Variants in SMURF2 observed in about 807,000 individuals in gnomAD.
SMURF2 encodes the protein E3 ubiquitin-protein ligase SMURF2.
In SMURF2, 48 loss-of-function variants were observed where a neutral mutation model predicts 109.6. The observed-to-expected ratio is 0.44, with a 90% CI of 0.35 to 0.56. SMURF2 has a LOEUF of 0.56. Among genes scored for constraint, SMURF2 ranks in the 20% least tolerant of loss-of-function variants. The pLI is 0.01. For synonymous variants in SMURF2, 288 were observed against 317.1 expected, an observed-to-expected ratio of 0.91 and a Z score of 0.97; for missense variants, 575 against 909.0, an observed-to-expected ratio of 0.63 and a Z score of 4.72.
chr17:64,544,013 T>G lies in SMURF2; in HGVS notation c.*1835A>C, dbSNP rs1174460402. On this transcript the variant is annotated 3_prime_UTR_variant, in exon 19 of 19. Coordinates refer to ENST00000262435, the MANE Select transcript of SMURF2 (RefSeq NM_022739.4). ...ACTATGACTAGCTTGCTTGTGGCAG[T>G]TGAATTTGGCCAAATGAAATACATT... The G allele has an allele frequency of 6.6e-6, 1 of 152,216 alleles. No individual in the cohort carries two copies. The highest frequency in any genetic ancestry group is 2.4e-5 in the African/African-American group (1 of 41,458). The allele number at this position is 152,216 out of a possible 1,614,324, so 9.4% of individuals were successfully genotyped here.
At chr17:64,576,782 A>G (rs1263910460) in intron 9 of SMURF2, among the ~76,000 whole-genome samples, 1 of 151,914 alleles carries the variant, frequency 6.6e-6, no homozygotes, top group African/African-American at 2.4e-5. Context: ...ATTTTTTTTT[A>G]AGCTGAACCA....
intron 10 of SMURF2, among the ~76,000 whole-genome samples, chr17:64,569,178 T>C (rs1969361145): frequency 6.6e-6 from 1 of 150,772 alleles, no homozygotes; most frequent in Non-Finnish European, 1.5e-5. Context: ...CAAGCACCTA[T>C]AATCCCAGCT....
At chr17:64,583,366 A>G in intron 7 of SMURF2, 95 bp downstream of exon 7, 1 of 1,044,028 alleles carries the variant, frequency 9.6e-7, no homozygotes, top group Non-Finnish European at 1.5e-6. Flanking sequence ...AGCAAAAACC[A>G]AGAAAAAAAA....
intron 1 of SMURF2, among the ~76,000 whole-genome samples, chr17:64,630,178 G>A (rs1338718624): frequency 6.6e-6 from 1 of 152,020 alleles, no homozygotes; most frequent in East Asian, 1.9e-4. Context: ...GGAGGTTGTG[G>A]TGAGCTGAGA....
At position 64,547,706 on chromosome 17, in the gene SMURF2, C is replaced by T; in HGVS notation, c.1965G>A (p.Trp655Ter). 1 of 1,614,218 alleles carries T rather than the reference C, an allele frequency of 6.2e-7. No homozygotes were observed. Among genetic ancestry groups the T allele is most frequent in the Non-Finnish European group, 8.5e-7 (1 of 1,180,032 alleles). Residue 655 changes from tryptophan (W) to a stop codon, truncating the protein, a stop_gained, in exon 17 of 19, where the codon TGG becomes TGA. Coordinates refer to ENST00000262435, the MANE Select transcript of SMURF2 (RefSeq NM_022739.4). LOFTEE classifies it high-confidence loss of function. The surrounding 1 kb of genome is among the most constrained non-coding windows in gnomAD (Gnocchi z 4.2). ...HCTPDSNIVK[W>*]FWKAVEFFDE... is the part of the protein sequence containing the mutation. ...CAAAAAACTCCACAGCTTTCCAGAA[C>T]CATTTGACAATGTTGCTGTCTGGTG...
At position 64,581,961 on chromosome 17, in the gene SMURF2, C is replaced by CAA. The variant is rs200475573; in HGVS notation, c.570-972_570-971dup. 8.0e-6 allele frequency among the ~76,000 whole-genome samples: 1 copy of CAA among 124,530 alleles called. No homozygotes were observed. Among genetic ancestry groups the CAA allele is most frequent in the Non-Finnish European group, 1.7e-5 (1 of 57,676 alleles). The allele number at this position is 124,530 out of a possible 152,430, so 81.7% of individuals were successfully genotyped here. Reference sequence around the variant, plus strand: ...AGGCAATAGAGCGGGACTCCATCTCCAAAAAAAAAAAAAAATTAACATTTA... The same window carrying CAA: ...AGGCAATAGAGCGGGACTCCATCTCCAAAAAAAAAAAAAAAAATTAACATTTA... On this transcript the variant is annotated intron_variant, in intron 7 of 18. Coordinates refer to ENST00000262435, the MANE Select transcript of SMURF2 (RefSeq NM_022739.4). The surrounding 1 kb of genome is among the most constrained non-coding windows in gnomAD (Gnocchi z 4.3).
intron 1 of SMURF2, among the ~76,000 whole-genome samples, chr17:64,651,029 C>G (rs1468741218): frequency 1.3e-5 from 2 of 150,536 alleles, no homozygotes; most frequent in African/African-American, 4.9e-5. Context: ...CTGGCCAACA[C>G]AGCAAAACCC....
intron 1 of SMURF2, among the ~76,000 whole-genome samples, chr17:64,608,618 C>T (rs1555689279): frequency 6.6e-6 from 1 of 152,054 alleles, no homozygotes; most frequent in Non-Finnish European, 1.5e-5. Context: ...TTTTTTTAAA[C>T]AAACCACTAT....
intron 2 of SMURF2, among the ~76,000 whole-genome samples, chr17:64,604,511 T>TA (rs1179177672): frequency 2.0e-5 from 3 of 152,116 alleles, no homozygotes; most frequent in Non-Finnish European, 4.4e-5. Context: ...GAGGTAAGAA[T>TA]ATCTGGATAT....
Position 64,590,144 on chromosome 17 carries a change from C to CTTTTTT in SMURF2, c.400+934_400+939dup, listed in dbSNP as rs200015210. 1.1e-3 allele frequency among the ~76,000 whole-genome samples: 153 copies of CTTTTTT among 136,926 alleles called. 4 individuals are homozygous for CTTTTTT. The highest frequency in any genetic ancestry group is 4.1e-3 in the African/African-American group (147 of 35,898). The allele number at this position is 136,926 out of a possible 152,430, so 89.8% of individuals were successfully genotyped here. ...GACATTCCTATTGAATTTTTCTTTT[C>CTTTTTT]TTTTTTTTTTTTTTTGAGACAGGGT... On this transcript the variant is annotated intron_variant, in intron 5 of 18. Coordinates refer to ENST00000262435, the MANE Select transcript of SMURF2 (RefSeq NM_022739.4).
intron 3 of SMURF2, among the ~76,000 whole-genome samples, chr17:64,596,008 A>G (rs1209421614): frequency 6.6e-6 from 1 of 152,050 alleles, no homozygotes; most frequent in Non-Finnish European, 1.5e-5. Context: ...GGCTAGTCCA[A>G]ATTGAGGCAA....
chr17:64,550,571 G>A (rs1555683512), intron 16 of SMURF2, among the ~76,000 whole-genome samples: 1 of 152,102 alleles, frequency 6.6e-6, no homozygotes, highest in African/African-American at 2.4e-5. Flanking sequence ...TTTGAGGTCA[G>A]GAGTCCCAGG....
intron 3 of SMURF2, among the ~76,000 whole-genome samples, chr17:64,595,261 G>A (rs1472989368): frequency 1.3e-5 from 2 of 152,130 alleles, no homozygotes; most frequent in African/African-American, 2.4e-5. Context: ...TAAAAATTAT[G>A]AAATATATTG....
rs567668462 is a variant in SMURF2, at chr17:64,543,708, G to A, written c.*2140C>T. 5 of 152,260 alleles carry A rather than the reference G, an allele frequency of 3.3e-5. No individual in the cohort carries two copies. The South Asian group carries it at 1.0e-3, about 32-fold the overall frequency. 9.4% of individuals were successfully genotyped at this position (152,260 alleles called of 1,614,324 possible). A position where few individuals can be genotyped will look rare whatever the true frequency, so the allele number is the denominator to read the frequency against. On this transcript the variant is annotated 3_prime_UTR_variant, in exon 19 of 19. Coordinates refer to ENST00000262435, the MANE Select transcript of SMURF2 (RefSeq NM_022739.4). The stretch of plus-strand genomic sequence containing the variant: ...AGCATTTCATTATTACTGTATCCCT[G>A]TCAGTTATGATTTCTGTATTCATTA...
At chr17:64,612,086 C>T (rs1970052174) in intron 1 of SMURF2, among the ~76,000 whole-genome samples, 1 of 151,382 alleles carries the variant, frequency 6.6e-6, no homozygotes, top group African/African-American at 2.4e-5. Flanking sequence ...AAGCTTTCCC[C>T]GCTTGTATTT....
At chr17:64,579,420 ATTTAAAC>A (rs1218430465) in intron 8 of SMURF2, among the ~76,000 whole-genome samples, 1 of 152,212 alleles carries the variant, frequency 6.6e-6, no homozygotes, top group Admixed American at 6.5e-5. Flanking sequence ...ATGTCAATAA[ATTTAAAC>A]TTTAAACTTT....
intron 1 of SMURF2, among the ~76,000 whole-genome samples, chr17:64,656,436 C>T (rs1970706457): frequency 6.6e-6 from 1 of 152,066 alleles, no homozygotes; most frequent in Non-Finnish European, 1.5e-5. Context: ...TTCTGCTTCA[C>T]GAATGTTTAA....
At chr17:64,595,467 A>G (rs1428862496) in intron 3 of SMURF2, among the ~76,000 whole-genome samples, 3 of 152,218 alleles carry the variant, frequency 2.0e-5, no homozygotes, top group Non-Finnish European at 4.4e-5. Context: ...GGGCTCTATT[A>G]GCTTCTATTA....
chr17:64,661,700 A>T, intron 1 of SMURF2, 129 bp downstream of exon 1: 3 of 537,860 alleles, frequency 5.6e-6, no homozygotes, highest in Non-Finnish European at 7.9e-6. Context: ...TCCCTGAACT[A>T]GGCCTTCCCA....
Sources: gnomAD v4.1 joint callset for allele counts (sites outside exome capture counted in the v4.1 genomes callset) on GRCh38, gnomAD v4.1.1 for gene constraint, Gnocchi (gnomAD v3.1) non-coding constraint, MANE v1.5 for transcripts, NCBI Gene and HGNC (gene_info 2026-07-23, HGNC 2026-07-21) for gene names.